The following TANC2 variants were observed in gnomAD, a reference collection of about 807,000 sequenced individuals.
TANC2 encodes tetratricopeptide repeat, ankyrin repeat and coiled-coil containing 2, also known as protein TANC2.
Under a neutral mutation model 210.5 loss-of-function variants are expected in TANC2, and 26 were observed. The ratio of observed to expected loss-of-function variants is 0.12; its 90% CI spans 0.09 to 0.17. The LOEUF is 0.17. TANC2 is among the 10% of genes least tolerant of loss of function. The probability of loss-of-function intolerance (pLI) is 1.00; values close to 1 mark genes in which losing one functional copy is unlikely to be tolerated. For missense variants in TANC2, 2,129 were observed against 2,608.9 expected, an observed-to-expected ratio of 0.82 and a Z score of 4.01; for synonymous variants, 931 against 967.1, an observed-to-expected ratio of 0.96 and a Z score of 0.69.
At chr17:63,221,646 C>T in intron 7 of TANC2, among the ~76,000 whole-genome samples, 1 of 152,038 alleles carries the variant, frequency 6.6e-6, no homozygotes, top group Non-Finnish European at 1.5e-5. Context: ...ATATGAATAA[C>T]AAGAGATAGA....
intron 7 of TANC2, among the ~76,000 whole-genome samples, chr17:63,218,447 T>C (rs1246533604): frequency 6.6e-6 from 1 of 152,136 alleles, no homozygotes; most frequent in Non-Finnish European, 1.5e-5. Flanking sequence ...TTTTATTCAA[T>C]ATTATGTTGG....
At chr17:63,009,399 A>G (rs2033767028) in intron 1 of TANC2, among the ~76,000 whole-genome samples, 138 bp from the exon 2 acceptor site, 1 of 152,166 alleles carries the variant, frequency 6.6e-6, no homozygotes, top group Admixed American at 6.5e-5. Context: ...CCTCTCAATC[A>G]TTTATTTATT....
At chr17:63,408,209 T>A (rs1435783275) in intron 21 of TANC2, among the ~76,000 whole-genome samples, 1 of 152,188 alleles carries the variant, frequency 6.6e-6, no homozygotes, top group Non-Finnish European at 1.5e-5. Context: ...AAAAGGGCTA[T>A]GTGCAAGAGG....
chr17:62,976,344 A>G (rs775507852), intron 1 of TANC2, among the ~76,000 whole-genome samples: 39 of 152,046 alleles, frequency 2.6e-4, no homozygotes, highest in Admixed American at 7.9e-4. Context: ...TTTGCTCCTT[A>G]CACCCCTACC....
chr17:63,404,875 T>C (rs2048452639), intron 19 of TANC2, among the ~76,000 whole-genome samples: 1 of 152,118 alleles, frequency 6.6e-6, no homozygotes, highest in Admixed American at 6.5e-5. Context: ...ACCAAGTGAG[T>C]TTGATTAAAG....
At chr17:63,363,173 A>G (rs1438916546) in intron 14 of TANC2, among the ~76,000 whole-genome samples, 1 of 152,150 alleles carries the variant, frequency 6.6e-6, no homozygotes, top group Non-Finnish European at 1.5e-5. Context: ...AGAAATGTCT[A>G]TTCAGATCTT....
chr17:63,205,313 T>C (rs749400730), intron 7 of TANC2, among the ~76,000 whole-genome samples: 48 of 73,696 alleles, frequency 6.5e-4, no homozygotes, highest in Non-Finnish European at 1.2e-3. Flanking sequence ...AGTTAAAAAC[T>C]GTAAAACTGC....
intron 9 of TANC2, among the ~76,000 whole-genome samples, chr17:63,284,777 A>G (rs745856336): frequency 7.2e-5 from 11 of 152,238 alleles, no homozygotes; most frequent in Non-Finnish European, 1.5e-4. Flanking sequence ...CAAGTCTTCT[A>G]TATCCTTGCT....
intron 4 of TANC2, among the ~76,000 whole-genome samples, chr17:63,147,966 C>T (rs2039519876): frequency 6.6e-6 from 1 of 152,098 alleles, no homozygotes; most frequent in Non-Finnish European, 1.5e-5. Flanking sequence ...ATAATAACAG[C>T]TGATGTTTTT....
At chr17:63,205,224 G>T (rs1212471205) in intron 7 of TANC2, among the ~76,000 whole-genome samples, 1 of 151,552 alleles carries the variant, frequency 6.6e-6, no homozygotes, top group Admixed American at 6.6e-5. Context: ...ATTGAATATT[G>T]ACATGCAAAA....
At chr17:63,074,064 A>G (rs1361910719) in intron 3 of TANC2, 50 bp downstream of exon 3, 1 of 1,459,140 alleles carries the variant, frequency 6.9e-7, no homozygotes, top group Non-Finnish European at 9.3e-7. Context: ...AACGATAGAT[A>G]TTTCTTTCTA....
intron 5 of TANC2, among the ~76,000 whole-genome samples, chr17:63,167,664 C>T (rs907073570): frequency 1.3e-4 from 19 of 151,686 alleles, no homozygotes; most frequent in African/African-American, 4.1e-4. Flanking sequence ...TTTGTTTGCC[C>T]AGTGTAATAG....
At chr17:63,199,901 TATTA>T (rs996721947) in intron 6 of TANC2, among the ~76,000 whole-genome samples, 21 of 152,232 alleles carry the variant, frequency 1.4e-4, no homozygotes, top group African/African-American at 5.1e-4. Context: ...ATTAAACTAA[TATTA>T]ATTCTGTTTT....
chr17:63,173,106 TA>T (rs2040461241), intron 5 of TANC2, among the ~76,000 whole-genome samples: 1 of 152,194 alleles, frequency 6.6e-6, no homozygotes, highest in Non-Finnish European at 1.5e-5. Context: ...GGAATAAATG[TA>T]ATTAGATAAC....
intron 2 of TANC2, among the ~76,000 whole-genome samples, chr17:63,033,812 G>T (rs550640625): frequency 6.6e-6 from 1 of 152,150 alleles, no homozygotes; most frequent in South Asian, 2.1e-4. Flanking sequence ...ACCCACAGGA[G>T]AAGGCAGAGG....
At chr17:63,015,565 G>C (rs922885662) in intron 2 of TANC2, among the ~76,000 whole-genome samples, 2 of 151,964 alleles carry the variant, frequency 1.3e-5, no homozygotes, top group Non-Finnish European at 2.9e-5. Flanking sequence ...AGAACATGTG[G>C]TGTTTGGTTT....
intron 7 of TANC2, among the ~76,000 whole-genome samples, chr17:63,203,600 C>T (rs2145817728): frequency 6.6e-6 from 1 of 152,278 alleles, no homozygotes; most frequent in Admixed American, 6.5e-5. Context: ...TTCTGCAGCT[C>T]TTCATATGCT....
In TANC2 at chr17:63,106,111, T is replaced by C. The variant is rs1250470166; in HGVS notation, c.322+6754T>C. ...GGTTTATGAGATAAAGATTAGGCTA[T>C]TGTAAAACAGTGTAGGATTGGAAAA... On this transcript the variant is annotated intron_variant, in intron 4 of 27. Coordinates refer to ENST00000689528, the Ensembl canonical transcript of TANC2. 1.3e-5 allele frequency among the ~76,000 whole-genome samples: 2 copies of C among 151,638 alleles called. 1 individual carries two copies. The highest frequency in any genetic ancestry group is 4.9e-5 in the African/African-American group (2 of 40,914).
At position 63,029,576 on chromosome 17, in the gene TANC2, G is replaced by T. The variant is rs917318775; in HGVS notation, c.67+19950G>T. Among the ~76,000 whole-genome samples, 6 of 151,982 alleles carry T rather than the reference G, an allele frequency of 3.9e-5. 1 individual carries two copies. In the South Asian group the frequency reaches 8.3e-4, roughly 21 times the overall value. On this transcript the variant is annotated intron_variant, in intron 2 of 27. Coordinates refer to ENST00000689528, the Ensembl canonical transcript of TANC2. Reference sequence around the variant, plus strand: ...TCAGTACAACTTTCTCTGATGATAGGTATATTTTATAAATCTGTGTTGTCT... The same window carrying T: ...TCAGTACAACTTTCTCTGATGATAGTTATATTTTATAAATCTGTGTTGTCT...
Sources: gnomAD v4.1 joint callset for allele counts (sites outside exome capture counted in the v4.1 genomes callset) on GRCh38, gnomAD v4.1.1 for gene constraint, MANE v1.5 for transcripts, NCBI Gene and HGNC (gene_info 2026-07-23, HGNC 2026-07-21) for gene names.